PDE4B: variants seen among roughly 807,000 people sequenced by gnomAD.
PDE4B encodes phosphodiesterase 4B, also known as 3',5'-cyclic-AMP phosphodiesterase 4B.
Under a neutral mutation model 82.2 loss-of-function variants are expected in PDE4B, and 20 were observed. The observed-to-expected ratio is 0.24, with a 90% CI of 0.17 to 0.35. The LOEUF is 0.35. Among genes scored for constraint, PDE4B ranks in the 10% least tolerant of loss-of-function variants. The probability of loss-of-function intolerance (pLI) is 1.00; values close to 1 mark genes in which losing one functional copy is unlikely to be tolerated. For synonymous variants in PDE4B, 320 were observed against 318.9 expected (o/e 1.00, Z -0.04); for missense variants, 655 against 907.2 (o/e 0.72, Z 3.57).
intron 7 of PDE4B, among the ~76,000 whole-genome samples, chr1:66,319,865 GCAGTTT>G (rs1190537893): frequency 4.6e-5 from 7 of 152,182 alleles, no homozygotes. Context: ...CTTCCATTGA[GCAGTTT>G]CCAATGGTTC....
intron 3 of PDE4B, among the ~76,000 whole-genome samples, chr1:65,994,987 A>G (rs2100688575): frequency 6.6e-6 from 1 of 152,272 alleles, no homozygotes; most frequent in East Asian, 1.9e-4. Flanking sequence ...CTGGCAGCAA[A>G]AGGAACAATT....
At chr1:66,116,644 GCCTCAAC>G (rs1384362845) in intron 3 of PDE4B, among the ~76,000 whole-genome samples, 11 of 152,150 alleles carry the variant, frequency 7.2e-5, no homozygotes, top group Non-Finnish European at 4.4e-5. Flanking sequence ...GCTCACTGCA[GCCTCAAC>G]CTTCTTGGCT....
chr1:66,063,444 A>G (rs1042840568), intron 3 of PDE4B, among the ~76,000 whole-genome samples: 1 of 152,016 alleles, frequency 6.6e-6, no homozygotes, highest in African/African-American at 2.4e-5. Flanking sequence ...TGTGAAGCCA[A>G]GGTTGGGAAA....
At chr1:66,150,641 T>C (rs1646373434) in intron 3 of PDE4B, among the ~76,000 whole-genome samples, 1 of 152,188 alleles carries the variant, frequency 6.6e-6, no homozygotes, top group South Asian at 2.1e-4. Flanking sequence ...ACCCAGTCTT[T>C]CACTGTTAAA....
intron 3 of PDE4B, among the ~76,000 whole-genome samples, chr1:66,168,593 A>G (rs1191422312): frequency 2.6e-5 from 4 of 152,176 alleles, no homozygotes; most frequent in Admixed American, 6.5e-5. Context: ...GGGGAGAATG[A>G]GGAATGAGGA....
At chr1:66,148,020 C>T (rs866536970) in intron 3 of PDE4B, among the ~76,000 whole-genome samples, 1 of 152,114 alleles carries the variant, frequency 6.6e-6, no homozygotes, top group African/African-American at 2.4e-5. Flanking sequence ...CCTGTAATCC[C>T]AGCACTTAGG....
At chr1:66,251,778 T>C (rs1476851018) in intron 4 of PDE4B, among the ~76,000 whole-genome samples, 1 of 152,086 alleles carries the variant, frequency 6.6e-6, no homozygotes, top group Non-Finnish European at 1.5e-5. Flanking sequence ...TCAGTGTGGT[T>C]GATCCAGAGG....
chr1:66,338,596 T>G (rs1035971769), intron 8 of PDE4B, among the ~76,000 whole-genome samples: 1 of 152,218 alleles, frequency 6.6e-6, no homozygotes, highest in African/African-American at 2.4e-5. Flanking sequence ...ATTTGCTCAC[T>G]TCACTATCTG....
At chr1:66,126,391 A>G (rs1013762464) in intron 3 of PDE4B, among the ~76,000 whole-genome samples, 82 of 152,180 alleles carry the variant, frequency 5.4e-4, no homozygotes, top group Non-Finnish European at 1.1e-3. Flanking sequence ...AGCTTTCACT[A>G]TAGTATTTAC....
At chr1:66,309,724 A>G (rs1370982828) in intron 7 of PDE4B, among the ~76,000 whole-genome samples, 1 of 152,190 alleles carries the variant, frequency 6.6e-6, no homozygotes, top group Non-Finnish European at 1.5e-5. Context: ...CATTTCTAGA[A>G]TGGAGATCAT....
At chr1:66,011,805 A>G (rs1652501834) in intron 3 of PDE4B, among the ~76,000 whole-genome samples, 1 of 152,150 alleles carries the variant, frequency 6.6e-6, no homozygotes, top group East Asian at 1.9e-4. Flanking sequence ...GAGGAAACTC[A>G]CATACATACA....
chr1:65,802,141 G>A (rs189710188), intron 1 of PDE4B, among the ~76,000 whole-genome samples: 315 of 152,248 alleles, frequency 2.1e-3, no homozygotes, highest in African/African-American at 6.5e-3. Context: ...CCAATAATTT[G>A]ACATACAATG....
chr1:66,272,908 A>G (rs1655613108), intron 7 of PDE4B, among the ~76,000 whole-genome samples: 1 of 145,990 alleles, frequency 6.8e-6, no homozygotes, highest in Non-Finnish European at 1.5e-5. Flanking sequence ...TTCCTGCCTC[A>G]GCCTCCCATG....
At chr1:65,942,567 T>G (rs1415435510) in intron 3 of PDE4B, among the ~76,000 whole-genome samples, 1 of 152,032 alleles carries the variant, frequency 6.6e-6, no homozygotes, top group African/African-American at 2.4e-5. Flanking sequence ...CTGGGTCATA[T>G]GGTAGCTCTA....
chr1:66,253,387 G>T (rs1397450413), intron 4 of PDE4B, among the ~76,000 whole-genome samples: 1 of 152,210 alleles, frequency 6.6e-6, no homozygotes, highest in East Asian at 1.9e-4. Flanking sequence ...CTGCTTTCTA[G>T]AAAATCATTT....
intron 3 of PDE4B, among the ~76,000 whole-genome samples, chr1:66,105,593 G>C (rs1025656812): frequency 3.3e-5 from 5 of 152,098 alleles, no homozygotes; most frequent in African/African-American, 1.2e-4. Context: ...TGTTCCATTT[G>C]TTGGTATCCT....
rs1557731920 is a variant in PDE4B at position 66,365,658 on chromosome 1, G to T, written c.1285-9G>T. The T allele has an allele frequency of 6.4e-7, 1 of 1,572,742 alleles. No homozygotes were observed. Among genetic ancestry groups the T allele is most frequent in the Non-Finnish European group, 8.7e-7 (1 of 1,144,210 alleles). On this transcript the variant is annotated splice_polypyrimidine_tract_variant and intron_variant, in intron 12 of 16. Coordinates refer to ENST00000341517, the MANE Select transcript of PDE4B (RefSeq NM_002600.4). Reference sequence around the variant, plus strand: ...GATGTGTAGTTAAATGTGTTTATTTGCCCGACAGGCTGTCTTCACAGATTT... The same window carrying T: ...GATGTGTAGTTAAATGTGTTTATTTTCCCGACAGGCTGTCTTCACAGATTT...
At chr1:65,948,013 A>G (rs1648798323) in intron 3 of PDE4B, among the ~76,000 whole-genome samples, 1 of 148,392 alleles carries the variant, frequency 6.7e-6, no homozygotes, top group African/African-American at 2.5e-5. Context: ...ACATAAATAT[A>G]TATAATCATA....
chr1:66,211,707 A>G (rs1376859700), intron 3 of PDE4B, among the ~76,000 whole-genome samples: 2 of 152,236 alleles, frequency 1.3e-5, no homozygotes, highest in African/African-American at 2.4e-5. Context: ...CTAATGTTCT[A>G]CAACTAGTAT....
Sources: gnomAD v4.1 joint callset for allele counts (sites outside exome capture counted in the v4.1 genomes callset) on GRCh38, gnomAD v4.1.1 for gene constraint, MANE v1.5 for transcripts, NCBI Gene and HGNC (gene_info 2026-07-23, HGNC 2026-07-21) for gene names.